The following PVT1 variants were observed in gnomAD, a reference collection of about 807,000 sequenced individuals.
PVT1 encodes CXCR4/PVT1 fusion.
chr8:127,935,974 T>C (rs1203506797), intron 3 of PVT1, among the ~76,000 whole-genome samples: 2 of 151,506 alleles, frequency 1.3e-5, no homozygotes, highest in Admixed American at 1.3e-4. Context: ...GTGGAAGTGG[T>C]TTGAATGAGG....
chr8:127,855,329 T>A lies in PVT1; in HGVS notation n.373-35260T>A, dbSNP rs76006637. 4.2e-3 allele frequency: 1,667 copies of A among 397,488 alleles called. 25 individuals carry two copies. Among genetic ancestry groups the A allele is most frequent in the African/African-American group, 0.031 (1,506 of 48,704 alleles). The allele number at this position is 397,488 out of a possible 1,614,324, so 24.6% of individuals were successfully genotyped here. ...GTAAGGACCCCTAAGGGTTAGTGTC[T>A]GGAGCTTGGGGGATGGGAATGGGTC... On this transcript the variant is annotated intron_variant and non_coding_transcript_variant, in intron 2 of 10. Transcript: ENST00000651587.
intron 2 of PVT1, among the ~76,000 whole-genome samples, chr8:127,815,921 C>T (rs1264135690): frequency 6.6e-6 from 1 of 152,026 alleles, no homozygotes; most frequent in Non-Finnish European, 1.5e-5. Flanking sequence ...TTCAGGAGTT[C>T]GAGACCAGCC....
chr8:127,853,508 T>G (rs919473256), intron 2 of PVT1, among the ~76,000 whole-genome samples: 4 of 152,128 alleles, frequency 2.6e-5, no homozygotes, highest in African/African-American at 4.8e-5. Flanking sequence ...GAGCCATGCG[T>G]GATGGCTCGA....
chr8:128,031,132 A>G (rs2720686), intron 4 of PVT1, among the ~76,000 whole-genome samples: 127,144 of 151,892 alleles, frequency 0.84, 53,603 homozygotes, highest in African/African-American at 0.93. Context: ...AGGACAGATC[A>G]CAAGGCTGAG....
rs762726086 is a variant in PVT1, at chr8:127,938,773, C to T, written n.782+47775C>T. Among the ~76,000 whole-genome samples, 8 of 152,178 alleles carry T rather than the reference C, an allele frequency of 5.3e-5. No homozygotes were observed. In the South Asian group the frequency reaches 1.0e-3, roughly 20 times the overall value. ...CAAAATCTTAGGTTTATTGCCTTTG[C>T]GTTCCTCTGCCCCAGGGTCTCTGTG... On this transcript the variant is annotated intron_variant and non_coding_transcript_variant, in intron 3 of 10. Coordinates refer to ENST00000651587, the Ensembl canonical transcript of PVT1.
At chr8:127,974,037 C>T (rs1816794391) in intron 3 of PVT1, among the ~76,000 whole-genome samples, 1 of 151,838 alleles carries the variant, frequency 6.6e-6, no homozygotes, top group South Asian at 2.1e-4. Context: ...CTTGGCCTCT[C>T]AGCAGGGCTT....
intron 2 of PVT1, among the ~76,000 whole-genome samples, chr8:127,802,079 C>G (rs549076666): frequency 6.6e-6 from 1 of 152,022 alleles, no homozygotes; most frequent in South Asian, 2.1e-4. Context: ...CCACACCTGG[C>G]TAATTTTGTA....
chr8:127,984,889 CTTTCTTTCTTTCTTTCTTTCTTTCTT>C lies in PVT1; in HGVS notation n.783-4271_783-4246del, dbSNP rs1563657503. Among the ~76,000 whole-genome samples the C allele has an allele frequency of 1.2e-3, 122 of 102,164 alleles. 5 individuals carry two copies. The highest frequency in any genetic ancestry group is 3.1e-3 in the Admixed American group (23 of 7,534). 67.0% of individuals were successfully genotyped at this position (102,164 alleles called of 152,430 possible). ...TCTTTCTTTCTTTCTTTCTTTCTTT[CTTTCTTTCTTTCTTTCTTTCTTTCTT>C]TCTTTCTCTTTCTCTTTCTTTCTTT... On this transcript the variant is annotated intron_variant and non_coding_transcript_variant, in intron 3 of 10. Coordinates refer to ENST00000651587, the Ensembl canonical transcript of PVT1.
chr8:128,067,092 C>T (rs79892035), intron 4 of PVT1, among the ~76,000 whole-genome samples: 2,408 of 152,282 alleles, frequency 0.016, 63 homozygotes, highest in African/African-American at 0.055. Flanking sequence ...TGAACCCAGA[C>T]CACACAGTGC....
intron 3 of PVT1, among the ~76,000 whole-genome samples, chr8:127,946,381 T>C (rs1816421310): frequency 6.6e-6 from 1 of 152,256 alleles, no homozygotes; most frequent in Non-Finnish European, 1.5e-5. Flanking sequence ...GTGAACCCCA[T>C]GTTAAGAAAG....
chr8:127,829,137 C>G (rs530288457), intron 2 of PVT1, among the ~76,000 whole-genome samples: 2 of 151,994 alleles, frequency 1.3e-5, no homozygotes, highest in African/African-American at 4.8e-5. Flanking sequence ...ATTAGCTGGA[C>G]GTGGTGGCAG....
intron 4 of PVT1, among the ~76,000 whole-genome samples, chr8:128,003,704 T>A (rs2130022596): frequency 6.6e-6 from 1 of 152,396 alleles, no homozygotes; most frequent in East Asian, 1.9e-4. Flanking sequence ...GGCATTCATA[T>A]GCATATGTGT....
chr8:128,038,540 C>A (rs751249324), intron 4 of PVT1, among the ~76,000 whole-genome samples: 1 of 152,170 alleles, frequency 6.6e-6, no homozygotes, highest in Non-Finnish European at 1.5e-5. Flanking sequence ...GTGCTGGCCT[C>A]TGGAGTAACA....
intron 4 of PVT1, among the ~76,000 whole-genome samples, chr8:127,998,975 TC>T (rs1287340217): frequency 6.6e-6 from 1 of 152,154 alleles, no homozygotes; most frequent in Non-Finnish European, 1.5e-5. Context: ...TCTTCAAGGA[TC>T]CCCTGTCATT....
intron 3 of PVT1, among the ~76,000 whole-genome samples, chr8:127,904,937 A>G (rs1402000166): frequency 1.3e-5 from 2 of 152,210 alleles, no homozygotes; most frequent in African/African-American, 4.8e-5. Flanking sequence ...TGTATGTCCA[A>G]GGAGCTGGTC....
At chr8:128,041,319 G>A (rs576654031) in intron 4 of PVT1, among the ~76,000 whole-genome samples, 1 of 150,364 alleles carries the variant, frequency 6.7e-6, no homozygotes, top group Non-Finnish European at 1.5e-5. Context: ...GTTTGTGCAT[G>A]TGTGTGCATC....
intron 2 of PVT1, among the ~76,000 whole-genome samples, chr8:127,857,024 G>A (rs528902769): frequency 1.3e-5 from 2 of 152,066 alleles, no homozygotes; most frequent in Non-Finnish European, 2.9e-5. Context: ...TCAGAAGTTC[G>A]AGACCAGCCT....
chr8:128,017,090 C>T (rs1164401484), intron 4 of PVT1, among the ~76,000 whole-genome samples: 9 of 152,174 alleles, frequency 5.9e-5, no homozygotes, highest in East Asian at 1.9e-4. Context: ...ATCTGGCCAT[C>T]GTCACCCCAC....
intron 2 of PVT1, among the ~76,000 whole-genome samples, chr8:127,798,786 A>G (rs1466661614): frequency 1.3e-5 from 2 of 151,406 alleles, no homozygotes; most frequent in Non-Finnish European, 2.9e-5. Flanking sequence ...TGAGGTAGGA[A>G]GATCTCTTGA....
Sources: allele counts gnomAD v4.1 joint callset (sites outside exome capture counted in the v4.1 genomes callset), GRCh38; gene constraint gnomAD v4.1.1; transcripts MANE v1.5; gene names NCBI Gene and HGNC (gene_info 2026-07-23, HGNC 2026-07-21).